CNTNAP2: variants seen among roughly 807,000 people sequenced by gnomAD.
CNTNAP2 encodes the protein contactin-associated protein-like 2.
A neutral mutation model predicts 155.2 loss-of-function variants in CNTNAP2; 98 were observed. The ratio of observed to expected loss-of-function variants is 0.63; its 90% CI spans 0.54 to 0.75. The LOEUF (loss-of-function observed/expected upper bound fraction) is 0.75. CNTNAP2 is among the 30% of genes least tolerant of loss of function. CNTNAP2 has a pLI of 0.00. For synonymous variants in CNTNAP2, 651 were observed against 631.2 expected (o/e 1.03, Z -0.47); for missense variants, 1,727 against 1,688.1 (o/e 1.02, Z -0.40).
intron 13 of CNTNAP2, among the ~76,000 whole-genome samples, chr7:147,731,815 GTTAACA>G: frequency 6.6e-6 from 1 of 152,094 alleles, no homozygotes; most frequent in Non-Finnish European, 1.5e-5. Flanking sequence ...GAGTCAAAAG[GTTAACA>G]TTAACAGGAG....
At chr7:147,065,946 A>T (rs1235770869) in intron 4 of CNTNAP2, among the ~76,000 whole-genome samples, 1 of 152,198 alleles carries the variant, frequency 6.6e-6, no homozygotes, top group East Asian at 1.9e-4. Context: ...AAGTTGACTC[A>T]TATCTTTTGT....
At chr7:146,868,618 T>C (rs762342282) in intron 3 of CNTNAP2, among the ~76,000 whole-genome samples, 2 of 152,226 alleles carry the variant, frequency 1.3e-5, no homozygotes, top group Non-Finnish European at 2.9e-5. Flanking sequence ...TATAGCCATA[T>C]TAATGATATT....
intron 1 of CNTNAP2, among the ~76,000 whole-genome samples, chr7:146,155,037 C>G (rs927556868): frequency 2.0e-5 from 3 of 152,142 alleles, no homozygotes; most frequent in African/African-American, 7.2e-5. Context: ...GATATAAACT[C>G]TAATTGCTTC....
intron 1 of CNTNAP2, among the ~76,000 whole-genome samples, chr7:146,440,383 C>G (rs1433364232): frequency 6.6e-6 from 1 of 151,488 alleles, no homozygotes; most frequent in African/African-American, 2.4e-5. Flanking sequence ...TCATAAGAAA[C>G]TAGATCACGT....
rs543882142 is a variant in CNTNAP2, at chr7:146,352,910, A to G, written c.97+235937A>G. ...GCTAGGACTACAGGCACCCGCCACC[A>G]CGCCCGGCTAATTTTTTGTATTTTT... On this transcript the variant is annotated intron_variant, in intron 1 of 23. Transcript: ENST00000361727. 6.6e-5 allele frequency among the ~76,000 whole-genome samples: 10 copies of G among 150,764 alleles called. No homozygotes were observed. In the East Asian group the frequency reaches 9.8e-4, roughly 15 times the overall value.
At chr7:146,417,438 G>A (rs1009386842) in intron 1 of CNTNAP2, among the ~76,000 whole-genome samples, 4 of 152,060 alleles carry the variant, frequency 2.6e-5, no homozygotes, top group Non-Finnish European at 5.9e-5. Flanking sequence ...GCTCTCAAAG[G>A]CAGCATGTTT....
intron 2 of CNTNAP2, among the ~76,000 whole-genome samples, chr7:146,795,166 A>G (rs190122139): frequency 4.5e-4 from 69 of 152,350 alleles, no homozygotes; most frequent in Non-Finnish European, 7.9e-4. Context: ...ATAAAGAGCA[A>G]TCTCTACCTT....
chr7:147,522,190 C>T (rs1799240026), intron 11 of CNTNAP2, among the ~76,000 whole-genome samples: 1 of 152,184 alleles, frequency 6.6e-6, no homozygotes, highest in Non-Finnish European at 1.5e-5. Flanking sequence ...AATCACCTCC[C>T]ACAGTTCCCC....
At chr7:147,962,793 G>A (rs904702040) in intron 14 of CNTNAP2, among the ~76,000 whole-genome samples, 1 of 152,114 alleles carries the variant, frequency 6.6e-6, no homozygotes, top group Non-Finnish European at 1.5e-5. Context: ...TGTAATAGAT[G>A]AGGAAATTAA....
intron 20 of CNTNAP2, among the ~76,000 whole-genome samples, chr7:148,259,291 G>T (rs1796514107): frequency 6.8e-6 from 1 of 147,510 alleles, no homozygotes; most frequent in Non-Finnish European, 1.5e-5. Context: ...GAGAAGTGGA[G>T]TCTGCAGTGA....
chr7:147,088,217 G>T (rs1186377241), intron 4 of CNTNAP2, among the ~76,000 whole-genome samples: 5 of 152,042 alleles, frequency 3.3e-5, no homozygotes, highest in Admixed American at 2.6e-4. Flanking sequence ...TTCAAATTTT[G>T]GAGAAATAAA....
chr7:147,682,311 A>C (rs1795957895), intron 13 of CNTNAP2, among the ~76,000 whole-genome samples: 2 of 151,966 alleles, frequency 1.3e-5, no homozygotes, highest in Non-Finnish European at 2.9e-5. Flanking sequence ...TCTGAAGCCT[A>C]AAATATATTC....
intron 11 of CNTNAP2, among the ~76,000 whole-genome samples, chr7:147,544,342 G>A (rs375182624): frequency 2.2e-4 from 34 of 152,186 alleles, no homozygotes; most frequent in African/African-American, 8.2e-4. Flanking sequence ...AAAAATTTCA[G>A]GCTCCTGGTA....
chr7:146,522,408 A>G (rs1410521726), intron 1 of CNTNAP2, among the ~76,000 whole-genome samples: 1 of 152,058 alleles, frequency 6.6e-6, no homozygotes, highest in Non-Finnish European at 1.5e-5. Context: ...TCTAAATTTC[A>G]TTACCACAGC....
chr7:147,920,774 T>G (rs1800261240), intron 14 of CNTNAP2, among the ~76,000 whole-genome samples: 1 of 150,918 alleles, frequency 6.6e-6, no homozygotes, highest in South Asian at 2.1e-4. Context: ...CCTACACCAC[T>G]GCAATTTCAC....
intron 1 of CNTNAP2, among the ~76,000 whole-genome samples, chr7:146,148,682 A>G (rs1000516098): frequency 6.6e-6 from 1 of 152,148 alleles, no homozygotes; most frequent in African/African-American, 2.4e-5. Context: ...AAAATGATGA[A>G]CGTGGATAAT....
intron 3 of CNTNAP2, among the ~76,000 whole-genome samples, chr7:147,023,297 C>A (rs941255190): frequency 1.3e-5 from 2 of 152,140 alleles, no homozygotes; most frequent in East Asian, 3.9e-4. Context: ...TAAAAAAAAT[C>A]AACTCTGAGG....
chr7:147,583,882 A>G (rs1296107750), intron 12 of CNTNAP2, among the ~76,000 whole-genome samples: 3 of 152,032 alleles, frequency 2.0e-5, no homozygotes. Flanking sequence ...CACAATCTCT[A>G]TTGGCCAAGC....
chr7:146,272,885 C>T (rs928884141), intron 1 of CNTNAP2, among the ~76,000 whole-genome samples: 6 of 151,926 alleles, frequency 3.9e-5, no homozygotes, highest in African/African-American at 7.3e-5. Context: ...TTTGAACCTG[C>T]GTAAACATTA....
Sources: gnomAD v4.1 joint callset for allele counts (sites outside exome capture counted in the v4.1 genomes callset) on GRCh38, gnomAD v4.1.1 for gene constraint, MANE v1.5 for transcripts, NCBI Gene and HGNC (gene_info 2026-07-23, HGNC 2026-07-21) for gene names.